Variants in WDR77 observed in about 807,000 individuals in gnomAD.
WDR77 encodes WD repeat domain 77.
A neutral mutation model predicts 44.0 loss-of-function variants in WDR77; 31 were observed. The observed-to-expected ratio is 0.70, with a 90% confidence interval of 0.53 to 0.95. The LOEUF is 0.95. Ranked by LOEUF, WDR77 falls within the 40% of genes least tolerant of loss-of-function variation. The pLI is 0.00. For missense variants in WDR77, 390 were observed against 423.9 expected (o/e 0.92, Z 0.70); for synonymous variants, 186 against 165.7 (o/e 1.12, Z -0.94).
chr1:111,444,448 A>G (rs1169129231), intron 4 of WDR77, among the ~76,000 whole-genome samples: 2 of 152,110 alleles, frequency 1.3e-5, no homozygotes, highest in Non-Finnish European at 2.9e-5. Context: ...AGCAGTCTTC[A>G]TACTGGAGTA....
At chr1:111,442,842 T>A in intron 7 of WDR77, 81 bp from the exon 8 acceptor site, 1 of 987,038 alleles carries the variant, frequency 1.0e-6, no homozygotes, top group African/African-American at 1.6e-5. Context: ...TTCCTCGAGC[T>A]TGTAAAAGTT....
At chr1:111,444,237 C>A in intron 4 of WDR77, 113 bp from the exon 5 acceptor site, 1 of 970,698 alleles carries the variant, frequency 1.0e-6, no homozygotes, top group Non-Finnish European at 1.6e-6. Flanking sequence ...TCTCATGATG[C>A]AATTTAACAA....
Position 111,449,141 on chromosome 1 carries a change from A to C in WDR77, c.29T>G (p.Val10Gly). The part of the protein sequence containing the change: MRKETPPPL[V>G]PPAAREWNLP... ...ATTCCACTCCCGGGCCGCCGGGGGC[A>C]CTAGGGGGGGTGGGGTTTCCTTCCG... is the stretch of plus-strand genomic sequence containing the variant. Residue 10 changes from valine (V) to glycine (G), a missense_variant, in exon 1 of 10, where the codon GTG becomes GGG. Physicochemically the swap from Val to Gly is moderately radical, Grantham distance 109 (BLOSUM62 -3). Coordinates refer to ENST00000235090, the MANE Select transcript of WDR77 (RefSeq NM_024102.4). 6.9e-6 allele frequency: 11 copies of C among 1,593,070 alleles called. No homozygotes were observed. The highest frequency in any genetic ancestry group is 9.4e-6 in the Non-Finnish European group (11 of 1,174,306).
Position 111,440,143 on chromosome 1 carries a change from C to A in WDR77, c.*1087G>T, listed in dbSNP as rs1652746621. On this transcript the variant is annotated 3_prime_UTR_variant, in exon 10 of 10. Coordinates refer to ENST00000235090, the MANE Select transcript of WDR77 (RefSeq NM_024102.4). ...CAAGAATAAATATTTACCTTAAGTTCTAACTAGCTACTTTGGGAAGCTGGG... is the reference window on the plus strand; with the variant it reads ...CAAGAATAAATATTTACCTTAAGTTATAACTAGCTACTTTGGGAAGCTGGG... The A allele has an allele frequency of 6.6e-6, 1 of 152,260 alleles. No individual in the cohort carries two copies. Among genetic ancestry groups the A allele is most frequent in the African/African-American group, 2.4e-5 (1 of 41,412 alleles). The allele number at this position is 152,260 out of a possible 1,614,324, so 9.4% of individuals were successfully genotyped here.
rs897104704 is a variant in WDR77, at chr1:111,441,129, T to C, written c.*101A>G. ...CTATTAACGGCACAGATCTAGCATA[T>C]CAACATACTATAGAAGGCTCCTGTG... On this transcript the variant is annotated 3_prime_UTR_variant, in exon 10 of 10. Transcript: ENST00000235090. 1 of 1,248,644 alleles carries C rather than the reference T, an allele frequency of 8.0e-7. No homozygotes were observed. Among genetic ancestry groups the C allele is most frequent in the Non-Finnish European group, 1.0e-6 (1 of 954,400 alleles). The allele number at this position is 1,248,644 out of a possible 1,614,324, so 77.3% of individuals were successfully genotyped here.
chr1:111,445,832 G>A (rs1009956654), intron 4 of WDR77, among the ~76,000 whole-genome samples: 3 of 151,998 alleles, frequency 2.0e-5, no homozygotes, highest in Non-Finnish European at 4.4e-5. Flanking sequence ...GCAGTGGCGT[G>A]ATCTCGACTC....
At chr1:111,447,007 G>A in intron 4 of WDR77, 88 bp downstream of exon 4, 1 of 1,333,952 alleles carries the variant, frequency 7.5e-7, no homozygotes, top group Non-Finnish European at 1.1e-6. Context: ...TCAGAACATG[G>A]AATTGCTGCT....
Position 111,449,209 on chromosome 1 carries a change from C to T in WDR77, c.-40G>A, listed in dbSNP as rs1442055685. On this transcript the variant is annotated 5_prime_UTR_variant, in exon 1 of 10. Transcript: ENST00000235090. ...CTCCAACCTAGACTCAAACTGGACG[C>T]CGGCCGGAGACTCCGCTCCGGCAGC... 6.5e-7 allele frequency: 1 copy of T among 1,540,186 alleles called. No individual in the cohort carries two copies. The highest frequency in any genetic ancestry group is 1.4e-5 in the African/African-American group (1 of 73,430).
At position 111,448,696 on chromosome 1, in the gene WDR77, G is replaced by A; in HGVS notation, c.224C>T (p.Ala75Val). The A allele has an allele frequency of 1.2e-6, 2 of 1,614,206 alleles. No homozygotes were observed. Among genetic ancestry groups the A allele is most frequent in the Non-Finnish European group, 1.7e-6 (2 of 1,180,034 alleles). The change falls in exon 2 of 10, where the codon GCC becomes GTC. Residue 75 changes from alanine to valine, a missense_variant. By Grantham distance (64) the Ala-to-Val change is moderately conservative. Coordinates refer to ENST00000235090, the MANE Select transcript of WDR77 (RefSeq NM_024102.4). ...CAAPNEGFCS[A>V]GVQTEAGVAD... ...CACTCCAGCCTCCGTTTGGACTCCG[G>A]CGGAGCAGAAGCCTTCGTTGGGGGC...
chr1:111,447,942 C>T (rs1203040034), intron 2 of WDR77, among the ~76,000 whole-genome samples: 2 of 152,246 alleles, frequency 1.3e-5, no homozygotes, highest in Non-Finnish European at 2.9e-5. Flanking sequence ...GATGTTAACA[C>T]TTCCCCAATA....
chr1:111,443,498 C>T, intron 6 of WDR77, 104 bp from the exon 7 acceptor site: 1 of 1,331,372 alleles, frequency 7.5e-7, no homozygotes. Flanking sequence ...ATTTGATTTC[C>T]CAAACCCTGC....
Position 111,443,316 on chromosome 1 carries a change from G to C in WDR77, c.691+7C>G. On this transcript the variant is annotated splice_region_variant and intron_variant, in intron 7 of 9. Coordinates refer to ENST00000235090, the MANE Select transcript of WDR77 (RefSeq NM_024102.4). ...GAGTCAATATGAAGTCTGACACGCT[G>C]CCTTACCAAAGACAAAGACTTCACT... is the stretch of plus-strand genomic sequence containing the variant. The C allele has an allele frequency of 6.4e-7, 1 of 1,551,408 alleles. No homozygotes were observed. Among genetic ancestry groups the C allele is most frequent in the Non-Finnish European group, 8.7e-7 (1 of 1,146,828 alleles).
Position 111,441,379 on chromosome 1 carries a change from G to A in WDR77, c.880C>T (p.Gln294Ter). ...DSSLSELFRS[Q>*]AHRDFVRDAT... The stretch of plus-strand genomic sequence containing the variant: ...TCTCTCACAAAGTCTCTGTGGGCTT[G>A]GCTTCTAAACCTAGAAGAAAGAAAA... The change falls in exon 10 of 10, where the codon CAA becomes TAA. Residue 294 changes from glutamine (Q) to a stop codon, truncating the protein, a stop_gained. Transcript: ENST00000235090. LOFTEE classifies it high-confidence loss of function. The A allele has an allele frequency of 6.5e-7, 1 of 1,529,142 alleles. No individual in the cohort carries two copies. The highest frequency in any genetic ancestry group is 8.8e-7 in the Non-Finnish European group (1 of 1,133,686). The allele number at this position is 1,529,142 out of a possible 1,614,324, so 94.7% of individuals were successfully genotyped here.
chr1:111,441,290 G>A lies in WDR77; in HGVS notation c.969C>T (p.Val323=), dbSNP rs1652803817. 1 of 1,587,914 alleles carries A rather than the reference G, an allele frequency of 6.3e-7. No individual in the cohort carries two copies. Among genetic ancestry groups the A allele is most frequent in the Non-Finnish European group, 8.6e-7 (1 of 1,165,346 alleles). The part of the protein sequence containing the change: ...LTTVGWDHQV[V]HHVVPTEPLP... ...GAGGTTCTGTGGGCACAACGTGGTG[G>A]ACGACCTGATGGTCCCAGCCCACTG... is the stretch of plus-strand genomic sequence containing the variant. Residue 323 remains valine (V), a synonymous_variant, in exon 10 of 10, where the codon GTC becomes GTT. Coordinates refer to ENST00000235090, the MANE Select transcript of WDR77 (RefSeq NM_024102.4).
chr1:111,441,616 A>G, intron 9 of WDR77: 1 of 1,300,340 alleles, frequency 7.7e-7, no homozygotes, highest in East Asian at 2.9e-5. Flanking sequence ...TGGATAGAAC[A>G]AGACAGTGAT....
rs777720193 is a variant in WDR77, at chr1:111,442,699, C to T, written c.754G>A (p.Ala252Thr). The change falls in exon 8 of 10, where the codon GCT becomes ACT. Residue 252 changes from alanine to threonine, a missense_variant. Physicochemically the swap from Ala to Thr is moderately conservative, Grantham distance 58 (BLOSUM62 0). Coordinates refer to ENST00000235090, the MANE Select transcript of WDR77 (RefSeq NM_024102.4). ...TKSTSCVLSSAVHSQCVTGLV... is the reference protein window; with the variant it reads ...TKSTSCVLSSTVHSQCVTGLV... ...CCAGTGACACACTGGGAGTGTACAG[C>T]TGAGCTCAGGACACAGCTTGTACTC... 3 of 1,600,828 alleles carry T rather than the reference C, an allele frequency of 1.9e-6. No homozygotes were observed. The highest frequency in any genetic ancestry group is 2.6e-6 in the Non-Finnish European group (3 of 1,170,884).
rs749644646 is a variant in WDR77 at position 111,442,160 on chromosome 1, C to T, written c.801-67G>A. 7.4e-6 allele frequency: 11 copies of T among 1,488,718 alleles called. No individual in the cohort carries two copies. The Admixed American group carries it at 1.4e-4, about 19-fold the overall frequency. 92.2% of individuals were successfully genotyped at this position (1,488,718 alleles called of 1,614,324 possible). On this transcript the variant is annotated intron_variant, in intron 8 of 9. Coordinates refer to ENST00000235090, the MANE Select transcript of WDR77 (RefSeq NM_024102.4). The stretch of plus-strand genomic sequence containing the variant: ...TCCCAAGACAAAACCTTAACTGGGC[C>T]GGCCCTGCCGCCACTGTAAAGTGAC...
rs1000864210 is a variant in WDR77 at position 111,440,672 on chromosome 1, G to A, written c.*558C>T. On this transcript the variant is annotated 3_prime_UTR_variant, in exon 10 of 10. Coordinates refer to ENST00000235090, the MANE Select transcript of WDR77 (RefSeq NM_024102.4). ...GATTTCTGATTCAGTTTAATGGTAAGGAGTTGTGTAAAACCGTACCAAGTC... is the reference window on the plus strand; with the variant it reads ...GATTTCTGATTCAGTTTAATGGTAAAGAGTTGTGTAAAACCGTACCAAGTC... 7 of 152,220 alleles carry A rather than the reference G, an allele frequency of 4.6e-5. No homozygotes were observed. The highest frequency in any genetic ancestry group is 1.3e-4 in the Admixed American group (2 of 15,286). The allele number at this position is 152,220 out of a possible 1,614,324, so 9.4% of individuals were successfully genotyped here.
Position 111,441,381 on chromosome 1 carries a change from C to A in WDR77, c.878G>T (p.Ser293Ile). 1 of 1,512,114 alleles carries A rather than the reference C, an allele frequency of 6.6e-7. No homozygotes were observed. The highest frequency in any genetic ancestry group is 8.9e-7 in the Non-Finnish European group (1 of 1,125,942). The allele number at this position is 1,512,114 out of a possible 1,614,324, so 93.7% of individuals were successfully genotyped here. ...TCTCACAAAGTCTCTGTGGGCTTGG[C>A]TTCTAAACCTAGAAGAAAGAAAAAA... The part of the protein sequence containing the change: ...LDSSLSELFR[S>I]QAHRDFVRDA... The change falls in exon 10 of 10, where the codon AGC becomes ATC. Residue 293 changes from serine (S) to isoleucine (I), a missense_variant. Transcript: ENST00000235090.
Sources: allele counts gnomAD v4.1 joint callset (sites outside exome capture counted in the v4.1 genomes callset), GRCh38; gene constraint gnomAD v4.1.1; transcripts MANE v1.5; gene names NCBI Gene and HGNC (gene_info 2026-07-23, HGNC 2026-07-21).